The following PITPNA variants were observed in gnomAD, a reference collection of about 807,000 sequenced individuals.
The protein encoded by PITPNA is phosphatidylinositol transfer protein alpha.
A neutral mutation model predicts 50.3 loss-of-function variants in PITPNA; 13 were observed. The ratio of observed to expected loss-of-function variants is 0.26; its 90% CI spans 0.17 to 0.41. The LOEUF (loss-of-function observed/expected upper bound fraction) is 0.41. PITPNA is among the 10% of genes least tolerant of loss of function. The pLI, the probability that PITPNA is intolerant of heterozygous loss-of-function variation, is 1.00. For missense variants in PITPNA, 207 were observed against 333.4 expected (o/e 0.62, Z 2.95); for synonymous variants, 120 against 119.6 (o/e 1.00, Z -0.02).
intron 3 of PITPNA, among the ~76,000 whole-genome samples, chr17:1,550,074 G>A (rs1489777788): frequency 6.6e-6 from 1 of 152,218 alleles, no homozygotes; most frequent in Non-Finnish European, 1.5e-5. Context: ...GCAAACTAGA[G>A]CAGAGAGCTA....
intron 5 of PITPNA, chr17:1,541,871 A>G: frequency 1.6e-6 from 1 of 623,812 alleles, no homozygotes; most frequent in South Asian, 1.5e-5. Flanking sequence ...CATTTTACAG[A>G]TGAGGTTCAA....
Position 1,541,556 on chromosome 17 carries a change from T to C in PITPNA, c.372+10A>G. 1 of 1,604,766 alleles carries C rather than the reference T, an allele frequency of 6.2e-7. No individual in the cohort carries two copies. The highest frequency in any genetic ancestry group is 8.5e-7 in the Non-Finnish European group (1 of 1,171,524). ...CCTCACCCCTGGGGCTTTTGGGAAC[T>C]ACTACTCACATTCTCCTGCGTGCCA... On this transcript the variant is annotated intron_variant, in intron 6 of 11. Transcript: ENST00000313486.
chr17:1,532,631 T>A (rs138038184), intron 10 of PITPNA, among the ~76,000 whole-genome samples: 1 of 152,334 alleles, frequency 6.6e-6, no homozygotes, highest in East Asian at 1.9e-4. Flanking sequence ...AAAACTCCAA[T>A]GAAAGTCTCC....
rs185503686 is a variant in PITPNA, at chr17:1,551,041, G to A, written c.197+1963C>T. 4.5e-3 allele frequency among the ~76,000 whole-genome samples: 669 copies of A among 149,450 alleles called. 5 individuals carry two copies. Among genetic ancestry groups the A allele is most frequent in the Non-Finnish European group, 7.2e-3 (479 of 66,374 alleles). ...GAGTCAGCGGGACCTGATGGGACAC[G>A]AAGGGCGAGTGAGAGTATTGCGGGG... On this transcript the variant is annotated intron_variant, in intron 3 of 11. Transcript: ENST00000313486.
At chr17:1,544,001 C>T (rs936506386) in intron 4 of PITPNA, among the ~76,000 whole-genome samples, 21 of 152,342 alleles carry the variant, frequency 1.4e-4, no homozygotes, top group Admixed American at 1.2e-3. Flanking sequence ...GCCCAGCCCC[C>T]GCATGTGGCA....
intron 10 of PITPNA, among the ~76,000 whole-genome samples, chr17:1,523,533 GTCTC>G (rs1006945443): frequency 2.2e-4 from 29 of 133,310 alleles, no homozygotes; most frequent in Non-Finnish European, 3.8e-4. Flanking sequence ...TTGAGACACA[GTCTC>G]TCTCTCTGTC....
intron 7 of PITPNA, among the ~76,000 whole-genome samples, chr17:1,537,352 C>T (rs528911272): frequency 5.3e-5 from 8 of 152,122 alleles, no homozygotes; most frequent in Non-Finnish European, 1.0e-4. Context: ...TGTGAGCCAC[C>T]GCACCTGGCC....
chr17:1,530,423 G>A (rs961067803), intron 10 of PITPNA, among the ~76,000 whole-genome samples: 13 of 152,130 alleles, frequency 8.5e-5, no homozygotes, highest in Non-Finnish European at 1.8e-4. Context: ...TCTTTTTAGG[G>A]CGAAGAACTA....
Position 1,558,557 on chromosome 17 carries a change from C to A in PITPNA, c.23G>T (p.Arg8Leu). The A allele has an allele frequency of 6.2e-7, 1 of 1,602,256 alleles. No individual in the cohort carries two copies. Among genetic ancestry groups the A allele is most frequent in the Non-Finnish European group, 8.5e-7 (1 of 1,170,456 alleles). Residue 8 changes from arginine (R) to leucine (L), a missense_variant and splice_region_variant, in exon 2 of 12, where the codon CGA (arginine) becomes CTA (leucine). By Grantham distance (102) the Arg-to-Leu change is moderately radical. Transcript: ENST00000313486. Reference protein sequence around the residue: MVLLKEYRVILPVSVDEY... With the variant: MVLLKEYLVILPVSVDEY... ...ATCTACAGACACAGGCAGGATTACT[C>A]GACTATAAGAAAGGGAAAAGAGAGT...
intron 10 of PITPNA, among the ~76,000 whole-genome samples, chr17:1,532,515 T>C (rs1180730771): frequency 6.6e-6 from 1 of 152,230 alleles, no homozygotes; most frequent in Non-Finnish European, 1.5e-5. Context: ...TCCAAGAATT[T>C]GAGTTCTACC....
chr17:1,532,812 T>C (rs1304305784), intron 10 of PITPNA, among the ~76,000 whole-genome samples: 1 of 152,212 alleles, frequency 6.6e-6, no homozygotes, highest in African/African-American at 2.4e-5. Flanking sequence ...AATGAAATCC[T>C]GCCACTTCCC....
chr17:1,552,178 G>C (rs1025994888), intron 3 of PITPNA, among the ~76,000 whole-genome samples: 1 of 152,220 alleles, frequency 6.6e-6, no homozygotes, highest in African/African-American at 2.4e-5. Context: ...ACAGCAGTGT[G>C]GATGGACTTA....
chr17:1,528,447 T>G (rs1368809901), intron 10 of PITPNA, among the ~76,000 whole-genome samples: 1 of 152,142 alleles, frequency 6.6e-6, no homozygotes, highest in East Asian at 1.9e-4. Flanking sequence ...CCTTAAACTG[T>G]ATTTAAAAAG....
At chr17:1,524,836 G>A (rs760748431) in intron 10 of PITPNA, among the ~76,000 whole-genome samples, 8 of 150,508 alleles carry the variant, frequency 5.3e-5, no homozygotes, top group East Asian at 2.0e-4. Context: ...GCGACAGAGC[G>A]AGACTCCATC....
rs2150999106 is a variant in PITPNA, at chr17:1,518,076, T to C, written c.*2485A>G. ...CAAAAAGGCACAAACTCACATTAAA[T>C]AAACAAGGTAATCTAATCAATTCTA... On this transcript the variant is annotated 3_prime_UTR_variant, in exon 12 of 12. Transcript: ENST00000313486. The C allele has an allele frequency of 6.5e-6, 1 of 152,712 alleles. No individual in the cohort carries two copies. Among genetic ancestry groups the C allele is most frequent in the African/African-American group, 2.4e-5 (1 of 41,534 alleles). The allele number at this position is 152,712 out of a possible 1,614,324, so 9.5% of individuals were successfully genotyped here. A position where few individuals can be genotyped will look rare whatever the true frequency, so the allele number is the denominator to read the frequency against.
At chr17:1,532,090 TTTTC>T (rs2075586349) in intron 10 of PITPNA, among the ~76,000 whole-genome samples, 1 of 151,192 alleles carries the variant, frequency 6.6e-6, no homozygotes, top group African/African-American at 2.5e-5. Flanking sequence ...TTTCTTTTCT[TTTTC>T]TTTTTTTCCT....
At chr17:1,542,272 C>T (rs2075651950) in intron 5 of PITPNA, among the ~76,000 whole-genome samples, 1 of 151,924 alleles carries the variant, frequency 6.6e-6, no homozygotes, top group African/African-American at 2.4e-5. Flanking sequence ...ACTTCAGAAT[C>T]CATGCATTTA....
chr17:1,562,438 C>T lies in PITPNA; in HGVS notation c.20+103G>A. ...CCTCAGGCACCCTCCGTCCCTGCTGCCCCTCCGTCCATCCGGGCCCTGCGT... is the reference window on the plus strand; with the variant it reads ...CCTCAGGCACCCTCCGTCCCTGCTGTCCCTCCGTCCATCCGGGCCCTGCGT... On this transcript the variant is annotated intron_variant, in intron 1 of 11. Transcript: ENST00000313486. The surrounding 1 kb of genome is among the most constrained non-coding windows in gnomAD (Gnocchi z 6.4). The T allele has an allele frequency of 3.1e-6, 3 of 961,592 alleles. No individual in the cohort carries two copies. The highest frequency in any genetic ancestry group is 4.3e-6 in the Non-Finnish European group (3 of 693,642). The allele number at this position is 961,592 out of a possible 1,614,324, so 59.6% of individuals were successfully genotyped here. A position where few individuals can be genotyped will look rare whatever the true frequency, so the allele number is the denominator to read the frequency against.
intron 3 of PITPNA, among the ~76,000 whole-genome samples, chr17:1,551,929 C>G (rs943173675): frequency 6.7e-6 from 1 of 150,190 alleles, no homozygotes; most frequent in Non-Finnish European, 1.5e-5. Context: ...CGCTGGACAG[C>G]GCTGCTCTCC....
Sources: gnomAD v4.1 joint callset for allele counts (sites outside exome capture counted in the v4.1 genomes callset) on GRCh38, gnomAD v4.1.1 for gene constraint, Gnocchi (gnomAD v3.1) non-coding constraint, MANE v1.5 for transcripts, NCBI Gene and HGNC (gene_info 2026-07-23, HGNC 2026-07-21) for gene names.